Variants in CTNNA3 observed in about 807,000 individuals in gnomAD.
The protein encoded by CTNNA3 is catenin alpha 3.
CTNNA3 carries 76 observed loss-of-function variants against 95.7 expected under a neutral mutation model. The observed-to-expected ratio is 0.79, with a 90% CI of 0.66 to 0.96. The LOEUF (loss-of-function observed/expected upper bound fraction) is 0.96. CTNNA3 is among the 40% of genes least tolerant of loss of function. CTNNA3 has a pLI of 0.00. For synonymous variants in CTNNA3, 431 were observed against 374.4 expected (o/e 1.15, Z -1.74); for missense variants, 1,191 against 1,089.8 (o/e 1.09, Z -1.31).
intron 12 of CTNNA3, among the ~76,000 whole-genome samples, chr10:66,365,932 A>G (rs1270689360): frequency 6.6e-6 from 1 of 152,122 alleles, no homozygotes; most frequent in Non-Finnish European, 1.5e-5. Context: ...TGAGACTTAG[A>G]TGACTGCAGC....
intron 6 of CTNNA3, among the ~76,000 whole-genome samples, chr10:67,188,229 C>T (rs1379975624): frequency 6.6e-6 from 1 of 152,232 alleles, no homozygotes; most frequent in Non-Finnish European, 1.5e-5. Context: ...AGCACAGTGG[C>T]TCACGCCTGT....
At chr10:67,198,016 T>C (rs921050610) in intron 6 of CTNNA3, among the ~76,000 whole-genome samples, 1 of 152,298 alleles carries the variant, frequency 6.6e-6, no homozygotes, top group East Asian at 1.9e-4. Context: ...ATTTTCTGTA[T>C]CTACAATGGT....
intron 1 of CTNNA3, among the ~76,000 whole-genome samples, chr10:67,732,882 TCA>T (rs1564842655): frequency 8.2e-6 from 1 of 122,270 alleles, no homozygotes; most frequent in African/African-American, 4.6e-5. Flanking sequence ...TTTCTCTCAC[TCA>T]CGCACACACA....
intron 13 of CTNNA3, among the ~76,000 whole-genome samples, chr10:66,150,741 A>C (rs1353876452): frequency 6.6e-6 from 1 of 151,968 alleles, no homozygotes; most frequent in East Asian, 1.9e-4. Flanking sequence ...CTCAGGTAAA[A>C]CTACTTATCA....
chr10:66,065,863 A>G (rs1345219495), intron 15 of CTNNA3, among the ~76,000 whole-genome samples: 2 of 151,570 alleles, frequency 1.3e-5, no homozygotes. Flanking sequence ...TTATTATTTT[A>G]TTTATTTTTA....
intron 12 of CTNNA3, among the ~76,000 whole-genome samples, chr10:66,340,652 G>C (rs1358766250): frequency 6.6e-6 from 1 of 151,484 alleles, no homozygotes; most frequent in East Asian, 1.9e-4. Context: ...TTCAATACAT[G>C]AAATATTATT....
At chr10:67,402,935 C>T (rs1038054370) in intron 5 of CTNNA3, among the ~76,000 whole-genome samples, 2 of 152,220 alleles carry the variant, frequency 1.3e-5, no homozygotes, top group Non-Finnish European at 2.9e-5. Flanking sequence ...AGCTGAACAG[C>T]GTCCATCTGT....
intron 5 of CTNNA3, among the ~76,000 whole-genome samples, chr10:67,401,417 A>G (rs1844917089): frequency 6.6e-6 from 1 of 152,194 alleles, no homozygotes; most frequent in Non-Finnish European, 1.5e-5. Context: ...AGAAACTACC[A>G]AACATGGATT....
chr10:66,278,670 GT>G (rs1274584408), intron 13 of CTNNA3, among the ~76,000 whole-genome samples: 1 of 144,944 alleles, frequency 6.9e-6, no homozygotes, highest in East Asian at 2.0e-4. Context: ...GCTATAAGAT[GT>G]TTTTTTCCAT....
intron 13 of CTNNA3, among the ~76,000 whole-genome samples, chr10:66,137,316 C>A (rs1456115721): frequency 1.3e-5 from 2 of 151,876 alleles, no homozygotes; most frequent in Non-Finnish European, 2.9e-5. Context: ...TCAGGAAAAT[C>A]CAGAATGTTA....
chr10:67,700,469 G>A (rs577925725), upstream of CTNNA3, among the ~76,000 whole-genome samples: 9 of 152,254 alleles, frequency 5.9e-5, no homozygotes, highest in South Asian at 6.2e-4. Context: ...CACGGTTCAC[G>A]AAAATCCGCT....
At chr10:66,786,521 T>C (rs1358458394) in intron 7 of CTNNA3, among the ~76,000 whole-genome samples, 5 of 152,192 alleles carry the variant, frequency 3.3e-5, no homozygotes, top group East Asian at 1.9e-4. Context: ...TTGACAGTTA[T>C]ATTCTAGTTA....
At chr10:66,016,640 C>T (rs1033192272) in intron 15 of CTNNA3, among the ~76,000 whole-genome samples, 8 of 152,034 alleles carry the variant, frequency 5.3e-5, no homozygotes, top group African/African-American at 1.9e-4. Context: ...AAATTCTATT[C>T]ATTGATAGGA....
chr10:66,565,005 C>T (rs375935124), intron 10 of CTNNA3, among the ~76,000 whole-genome samples: 68 of 152,166 alleles, frequency 4.5e-4, no homozygotes, highest in African/African-American at 1.3e-3. Context: ...TATACAGGAA[C>T]GAAAAATACC....
chr10:67,683,661 C>T (rs1589563456), intron 1 of CTNNA3, among the ~76,000 whole-genome samples: 1 of 152,376 alleles, frequency 6.6e-6, no homozygotes, highest in East Asian at 1.9e-4. Context: ...TTGGTTCCTT[C>T]TGGTGGGTTC....
intron 9 of CTNNA3, among the ~76,000 whole-genome samples, chr10:66,644,457 GTATA>G (rs369985156): frequency 1.8e-4 from 23 of 124,608 alleles, no homozygotes; most frequent in African/African-American, 5.5e-4. Flanking sequence ...CCCCAAATAT[GTATA>G]TATATATATA....
At position 66,597,507 on chromosome 10, in the gene CTNNA3, CATACAT is replaced by C. The variant is rs1350850745; in HGVS notation, c.1374+24179_1374+24184del. Reference sequence around the variant, plus strand: ...GCCTGGTCAACATGGCATTTTATTTCATACATATATATATATATATATATATATATA... The same window carrying C: ...GCCTGGTCAACATGGCATTTTATTTCATATATATATATATATATATATATA... On this transcript the variant is annotated intron_variant, in intron 10 of 17. Transcript: ENST00000433211. Among the ~76,000 whole-genome samples, 600 of 79,578 alleles carry C rather than the reference CATACAT, an allele frequency of 7.5e-3. 5 individuals are homozygous for C. Among genetic ancestry groups the C allele is most frequent in the African/African-American group, 0.027 (561 of 20,478 alleles). 52.2% of individuals were successfully genotyped at this position (79,578 alleles called of 152,430 possible). A position where few individuals can be genotyped will look rare whatever the true frequency, so the allele number is the denominator to read the frequency against.
chr10:66,585,888 C>G (rs535335103), intron 10 of CTNNA3, among the ~76,000 whole-genome samples: 1 of 151,886 alleles, frequency 6.6e-6, no homozygotes, highest in Admixed American at 6.6e-5. Flanking sequence ...TTTGTGTAGG[C>G]TATTTCTTCT....
intron 1 of CTNNA3, among the ~76,000 whole-genome samples, chr10:67,749,860 A>AT (rs1841395200): frequency 6.6e-6 from 1 of 152,186 alleles, no homozygotes; most frequent in South Asian, 2.1e-4. Flanking sequence ...TTCAAAAAAA[A>AT]TCAGTGAATC....
Sources: allele counts gnomAD v4.1 joint callset (sites outside exome capture counted in the v4.1 genomes callset), GRCh38; gene constraint gnomAD v4.1.1; transcripts MANE v1.5; gene names NCBI Gene and HGNC (gene_info 2026-07-23, HGNC 2026-07-21).